The following ELAC2 variants were observed in gnomAD, a reference collection of about 807,000 sequenced individuals.
ELAC2 encodes elaC ribonuclease Z 2.
Under a neutral mutation model 105.2 loss-of-function variants are expected in ELAC2, and 92 were observed. That is an observed-to-expected ratio of 0.87 (90% CI 0.74 to 1.04). ELAC2 has a LOEUF of 1.04. Ranked by LOEUF, ELAC2 falls within the 50% of genes least tolerant of loss-of-function variation. ELAC2 has a pLI of 0.00. For missense variants in ELAC2, 1,099 were observed against 1,071.7 expected (o/e 1.03, Z -0.36); for synonymous variants, 468 against 409.1 (o/e 1.14, Z -1.74).
intron 5 of ELAC2, among the ~76,000 whole-genome samples, chr17:13,013,986 G>A: frequency 6.6e-6 from 1 of 152,150 alleles, no homozygotes; most frequent in Non-Finnish European, 1.5e-5. Flanking sequence ...TTTACAGCAT[G>A]AGGTGGGAAC....
At position 12,995,994 on chromosome 17, in the gene ELAC2, G is replaced by A; in HGVS notation, c.1660-16C>T. 1.3e-6 allele frequency: 2 copies of A among 1,588,784 alleles called. No homozygotes were observed. The highest frequency in any genetic ancestry group is 1.7e-6 in the Non-Finnish European group (2 of 1,165,986). On this transcript the variant is annotated splice_polypyrimidine_tract_variant and intron_variant, in intron 17 of 23. Transcript: ENST00000338034. ...TTGGCAAGCCCTGGCAAGGAAACAGGAGACATGCGTCAGCCAGGCCCCAGG... is the reference window on the plus strand; with the variant it reads ...TTGGCAAGCCCTGGCAAGGAAACAGAAGACATGCGTCAGCCAGGCCCCAGG...
chr17:12,992,760 G>A lies in ELAC2; in HGVS notation c.*58C>T, dbSNP rs2040245888. 5.0e-6 allele frequency: 8 copies of A among 1,593,806 alleles called. No homozygotes were observed. Among genetic ancestry groups the A allele is most frequent in the Admixed American group, 1.7e-5 (1 of 59,918 alleles). ...TTCTACCAGCAAGGAGGGCAGATAC[G>A]GGTGCGTGCGTGGGGCAGAAGACAC... On this transcript the variant is annotated 3_prime_UTR_variant, in exon 24 of 24. Transcript: ENST00000338034.
chr17:12,991,844 T>TCAA lies in ELAC2; in HGVS notation c.*971_*973dup, dbSNP rs1268815161. Among the ~76,000 whole-genome samples, 1 of 142,844 alleles carries TCAA rather than the reference T, an allele frequency of 7.0e-6. No individual in the cohort carries two copies. Among genetic ancestry groups the TCAA allele is most frequent in the African/African-American group, 2.5e-5 (1 of 40,140 alleles). The allele number at this position is 142,844 out of a possible 152,430, so 93.7% of individuals were successfully genotyped here. A position where few individuals can be genotyped will look rare whatever the true frequency, so the allele number is the denominator to read the frequency against. Reference sequence around the variant, plus strand: ...GGAATATACACAATAAATACTAGATTCAACTTACTTACTTACTTACTTACT... The same window carrying TCAA: ...GGAATATACACAATAAATACTAGATTCAACAACTTACTTACTTACTTACTTACT... On this transcript the variant is annotated 3_prime_UTR_variant, in exon 24 of 24. Transcript: ENST00000338034.
Position 13,017,701 on chromosome 17 carries a change from A to C in ELAC2, c.245+2T>G, listed in dbSNP as rs748684065. 2 of 1,613,072 alleles carry C rather than the reference A, an allele frequency of 1.2e-6. No homozygotes were observed. The highest frequency in any genetic ancestry group is 1.7e-6 in the Non-Finnish European group (2 of 1,179,756). ...GGGACGGGGCGTGGCTCGTTGACTG[A>C]CCGGTTGAACTCGGAGAAGACGTAG... On this transcript the variant is annotated splice_donor_variant, in intron 1 of 23. Transcript: ENST00000338034. LOFTEE classifies it high-confidence loss of function.
At chr17:12,996,016 C>T (rs1235841245) in intron 17 of ELAC2, 38 bp from the exon 18 acceptor site, 1 of 1,571,602 alleles carries the variant, frequency 6.4e-7, no homozygotes. Context: ...AGCCAGGCCC[C>T]AGGGCCATCC....
chr17:12,997,755 CA>C (rs2040549424), intron 16 of ELAC2, among the ~76,000 whole-genome samples: 1 of 152,184 alleles, frequency 6.6e-6, no homozygotes, highest in African/African-American at 2.4e-5. Flanking sequence ...AAATTTAAAA[CA>C]AACCTGGTAA....
intron 8 of ELAC2, among the ~76,000 whole-genome samples, chr17:13,008,806 G>A (rs1020270728): frequency 3.9e-5 from 6 of 152,054 alleles, no homozygotes; most frequent in Non-Finnish European, 8.8e-5. Context: ...AATTAGAAGA[G>A]GGGAAAGGCG....
At chr17:13,003,073 C>T (rs1465454546) in intron 12 of ELAC2, among the ~76,000 whole-genome samples, 2 of 152,122 alleles carry the variant, frequency 1.3e-5, no homozygotes, top group African/African-American at 2.4e-5. Context: ...CTGCTGGCGA[C>T]GACCCTAGAG....
chr17:13,017,372 C>T (rs965580885), intron 1 of ELAC2: 1 of 624,996 alleles, frequency 1.6e-6, no homozygotes, highest in Non-Finnish European at 2.8e-6. Context: ...CGGCTACACA[C>T]CAGATCTGTC....
At chr17:12,996,925 A>G (rs1237989189) in intron 16 of ELAC2, among the ~76,000 whole-genome samples, 1 of 151,014 alleles carries the variant, frequency 6.6e-6, no homozygotes, top group Admixed American at 6.6e-5. Context: ...AAGTAGACTT[A>G]CACAAAGGCT....
chr17:13,007,070 C>G (rs921389400), intron 8 of ELAC2, among the ~76,000 whole-genome samples: 1 of 151,006 alleles, frequency 6.6e-6, no homozygotes, highest in Non-Finnish European at 1.5e-5. Flanking sequence ...GAGATCGTGC[C>G]ACTGCACTCC....
intron 5 of ELAC2, 129 bp downstream of exon 5, chr17:13,014,310 A>AG: frequency 1.4e-6 from 1 of 700,016 alleles, no homozygotes; most frequent in South Asian, 1.7e-5. Flanking sequence ...AAAAAAAAAA[A>AG]AAATCTCGTG....
At chr17:12,994,231 A>G (rs971326933) in intron 22 of ELAC2, among the ~76,000 whole-genome samples, 194 bp downstream of exon 22, 1 of 152,340 alleles carries the variant, frequency 6.6e-6, no homozygotes, top group Middle Eastern at 3.4e-3. Context: ...CTCACTCTAG[A>G]ATCTTGCTTA....
intron 10 of ELAC2, 67 bp from the exon 11 acceptor site, chr17:13,005,168 G>T: frequency 9.1e-7 from 1 of 1,102,836 alleles, no homozygotes; most frequent in South Asian, 1.2e-5. Flanking sequence ...CTGCCTTCAA[G>T]GCAACTGCTA....
In ELAC2 at chr17:13,018,000, T is replaced by G. The variant is rs983333313; in HGVS notation, c.-53A>C. The G allele has an allele frequency of 4.8e-5, 73 of 1,533,620 alleles. No homozygotes were observed. The highest frequency in any genetic ancestry group is 5.8e-5 in the Non-Finnish European group (66 of 1,146,544). ...GCCGCCGGTCACCTACGCCCGCGTT[T>G]CCCGTGCACCACCTAGCCGCTCCGC... On this transcript the variant is annotated 5_prime_UTR_variant, in exon 1 of 24. Coordinates refer to ENST00000338034, the MANE Select transcript of ELAC2 (RefSeq NM_018127.7).
At chr17:12,993,612 ACCGT>A in intron 23 of ELAC2, 71 bp downstream of exon 23, 1 of 1,603,786 alleles carries the variant, frequency 6.2e-7, no homozygotes, top group Non-Finnish European at 8.5e-7. Context: ...ACTCCAGCTG[ACCGT>A]CCTACTCAGT....
At chr17:13,017,147 ATTCAGAAGGTTTTATTC>A in intron 1 of ELAC2, 26 bp from the exon 2 acceptor site, 1 of 1,606,174 alleles carries the variant, frequency 6.2e-7, no homozygotes, top group Non-Finnish European at 8.5e-7. Flanking sequence ...TACACAAGAC[ATTCAGAAGGTTTTATTC>A]TGTAAACTCT....
At chr17:13,009,162 C>T (rs948350875) in intron 8 of ELAC2, among the ~76,000 whole-genome samples, 12 of 152,216 alleles carry the variant, frequency 7.9e-5, no homozygotes, top group African/African-American at 2.6e-4. Flanking sequence ...AACAGTAGTA[C>T]TTAACTTTTA....
At chr17:13,013,428 T>G (rs778893194) in intron 5 of ELAC2, among the ~76,000 whole-genome samples, 153 bp from the exon 6 acceptor site, 1 of 152,164 alleles carries the variant, frequency 6.6e-6, no homozygotes, top group Non-Finnish European at 1.5e-5. Context: ...AGATTACCAT[T>G]TTTAGGAAAT....
Sources: gnomAD v4.1 joint callset for allele counts (sites outside exome capture counted in the v4.1 genomes callset) on GRCh38, gnomAD v4.1.1 for gene constraint, MANE v1.5 for transcripts, NCBI Gene and HGNC (gene_info 2026-07-23, HGNC 2026-07-21) for gene names.